The following CFAP161 variants were observed in gnomAD, a reference collection of about 807,000 sequenced individuals.
CFAP161 encodes the protein cilia and flagella associated protein 161, also known as cilia- and flagella-associated protein 161.
CFAP161 carries 25 observed loss-of-function variants against 29.0 expected under a neutral mutation model. That is an observed-to-expected ratio of 0.86 (90% confidence interval 0.63 to 1.20). CFAP161 has a LOEUF of 1.20. Ranked by LOEUF, CFAP161 falls within the 50% of genes most tolerant of loss-of-function variation. CFAP161 has a pLI of 0.00. For synonymous variants in CFAP161, 116 were observed against 137.4 expected (o/e 0.84, Z 1.09); for missense variants, 367 against 371.9 (o/e 0.99, Z 0.11).
At chr15:81,148,149 G>A (rs566332221) in intron 6 of CFAP161, among the ~76,000 whole-genome samples, 189 bp from the exon 7 acceptor site, 1 of 152,152 alleles carries the variant, frequency 6.6e-6, no homozygotes, top group East Asian at 1.9e-4. Context: ...GTTCTAATGG[G>A]ATCCTACTGG....
chr15:81,104,846 G>A (rs2141859668), intron 1 of CFAP161, among the ~76,000 whole-genome samples: 1 of 152,208 alleles, frequency 6.6e-6, no homozygotes, highest in South Asian at 2.1e-4. Flanking sequence ...CTATTTATAT[G>A]GCATGTTGGT....
At chr15:81,137,561 A>C (rs1179117356) in intron 3 of CFAP161, among the ~76,000 whole-genome samples, 1 of 152,132 alleles carries the variant, frequency 6.6e-6, no homozygotes, top group Non-Finnish European at 1.5e-5. Context: ...GCACCACTGA[A>C]CTCCAGCCTG....
chr15:81,143,455 T>C (rs1894948703), intron 4 of CFAP161, among the ~76,000 whole-genome samples: 1 of 152,160 alleles, frequency 6.6e-6, no homozygotes, highest in African/African-American at 2.4e-5. Context: ...TGTGAGTGTG[T>C]GTAGGTGTGT....
chr15:81,139,442 A>T (rs1257241841), intron 4 of CFAP161, among the ~76,000 whole-genome samples: 1 of 152,228 alleles, frequency 6.6e-6, no homozygotes, highest in South Asian at 2.1e-4. Context: ...TTAACCAGAG[A>T]TTAGCACCAT....
intron 2 of CFAP161, among the ~76,000 whole-genome samples, chr15:81,128,352 A>G (rs1605865): frequency 0.57 from 87,052 of 152,050 alleles, 26,172 homozygotes; most frequent in Non-Finnish European, 0.68. Flanking sequence ...CTGCCTTATC[A>G]AATAAGTTTA....
intron 1 of CFAP161, among the ~76,000 whole-genome samples, chr15:81,110,040 C>T (rs912016246): frequency 3.3e-5 from 5 of 152,032 alleles, no homozygotes; most frequent in South Asian, 2.1e-4. Flanking sequence ...AGCTCTGATA[C>T]GAGATCTTTG....
chr15:81,133,023 C>T (rs1894732322), upstream of CFAP161, among the ~76,000 whole-genome samples: 2 of 151,378 alleles, frequency 1.3e-5, no homozygotes, highest in African/African-American at 4.9e-5. Context: ...GGGAATGTTC[C>T]TATTTTTATT....
At chr15:81,124,949 A>C (rs1321076328) in intron 1 of CFAP161, among the ~76,000 whole-genome samples, 1 of 152,066 alleles carries the variant, frequency 6.6e-6, no homozygotes, top group African/African-American at 2.4e-5. Flanking sequence ...TTAAGCCAAG[A>C]ACAAGCTTTT....
At position 81,136,732 on chromosome 15, in the gene CFAP161, A is replaced by C. The variant is rs768090433; in HGVS notation, c.376A>C (p.Thr126Pro). 1 of 1,613,498 alleles carries C rather than the reference A, an allele frequency of 6.2e-7. No individual in the cohort carries two copies. Among genetic ancestry groups the C allele is most frequent in the African/African-American group, 1.3e-5 (1 of 75,022 alleles). Residue 126 changes from threonine to proline, a missense_variant, in exon 3 of 7, where the codon ACT (threonine) becomes CCT (proline). Coordinates refer to ENST00000286732, the MANE Select transcript of CFAP161 (RefSeq NM_173528.4). ...AGCCAAGACCCCAATTGGCAGAAAC[A>C]CTTTTATCATTTTGAGGTAAAGAGA... The part of the protein sequence containing the change: ...VQAKTPIGRN[T>P]FIILSVHRDA...
At chr15:81,133,088 C>T (rs1894733390), upstream of CFAP161, among the ~76,000 whole-genome samples, 2 of 150,472 alleles carry the variant, frequency 1.3e-5, no homozygotes, top group African/African-American at 4.9e-5. Flanking sequence ...AAAGCAGCCC[C>T]TCTCCCATCA....
At chr15:81,103,164 C>T (rs912839958) in intron 1 of CFAP161, among the ~76,000 whole-genome samples, 1 of 152,182 alleles carries the variant, frequency 6.6e-6, no homozygotes, top group Non-Finnish European at 1.5e-5. Context: ...TGTATTAACT[C>T]ATTAACTCAT....
chr15:81,112,267 C>T (rs1165159393), intron 1 of CFAP161, among the ~76,000 whole-genome samples: 2 of 151,718 alleles, frequency 1.3e-5, no homozygotes, highest in Non-Finnish European at 2.9e-5. Flanking sequence ...ACTTTCCGAA[C>T]TATGGAAAGT....
At chr15:81,128,294 T>C (rs1337449865) in intron 2 of CFAP161, among the ~76,000 whole-genome samples, 3 of 152,244 alleles carry the variant, frequency 2.0e-5, no homozygotes, top group Admixed American at 2.0e-4. Flanking sequence ...ATTTCACCCA[T>C]GGTAGAACTT....
chr15:81,148,499 C>A lies in CFAP161; in HGVS notation c.872C>A (p.Ala291Asp), dbSNP rs1403551172. 1 of 1,614,190 alleles carries A rather than the reference C, an allele frequency of 6.2e-7. No individual in the cohort carries two copies. Residue 291 changes from alanine (A) to aspartate (D), a missense_variant, in exon 7 of 7, where the codon GCC (alanine) becomes GAC (aspartate). Transcript: ENST00000286732. ...AAACCACCCACAGAGGACACTCGAGCCATGGAGCAGGCCATGGGCCTTGAC... is the reference window on the plus strand; with the variant it reads ...AAACCACCCACAGAGGACACTCGAGACATGGAGCAGGCCATGGGCCTTGAC... ...LPKPPTEDTR[A>D]MEQAMGLDTQ
rs553095232 is a variant in CFAP161, at chr15:81,134,759, G to C, written c.69+361G>C. 1.1e-3 allele frequency among the ~76,000 whole-genome samples: 167 copies of C among 152,254 alleles called. 8 individuals carry two copies. The South Asian group carries it at 0.034, about 31-fold the overall frequency. On this transcript the variant is annotated intron_variant, in intron 1 of 6. Coordinates refer to ENST00000286732, the MANE Select transcript of CFAP161 (RefSeq NM_173528.4). ...AGTCTCAGGCTGCGGGCCAGGTGAGGACACAGGTTCTAGGTAGAAATAATA... is the reference window on the plus strand; with the variant it reads ...AGTCTCAGGCTGCGGGCCAGGTGAGCACACAGGTTCTAGGTAGAAATAATA...
At chr15:81,143,858 A>G (rs1211773807) in intron 5 of CFAP161, 38 bp downstream of exon 5, 2 of 1,587,518 alleles carry the variant, frequency 1.3e-6, no homozygotes, top group Middle Eastern at 1.8e-4. Flanking sequence ...TGTCTAGGCT[A>G]TGAAATGGAT....
At chr15:81,116,227 GT>G (rs757825720) in intron 1 of CFAP161, among the ~76,000 whole-genome samples, 5 of 152,258 alleles carry the variant, frequency 3.3e-5, no homozygotes, top group East Asian at 1.9e-4. Context: ...AGTGAAAAAG[GT>G]TACATTAAGG....
chr15:81,126,149 G>A (rs968064397), intron 1 of CFAP161, among the ~76,000 whole-genome samples: 7 of 152,160 alleles, frequency 4.6e-5, no homozygotes, highest in African/African-American at 9.7e-5. Context: ...GATTACAGGC[G>A]CGAGCCACCA....
At chr15:81,121,045 T>C (rs897860044) in intron 1 of CFAP161, among the ~76,000 whole-genome samples, 1 of 152,220 alleles carries the variant, frequency 6.6e-6, no homozygotes, top group Non-Finnish European at 1.5e-5. Flanking sequence ...ATTAATGCAT[T>C]TTTAAGGTCC....
Sources: allele counts gnomAD v4.1 joint callset (sites outside exome capture counted in the v4.1 genomes callset), GRCh38; gene constraint gnomAD v4.1.1; transcripts MANE v1.5; gene names NCBI Gene and HGNC (gene_info 2026-07-23, HGNC 2026-07-21).